C2CD3: variants seen among roughly 807,000 people sequenced by gnomAD.
C2CD3 encodes C2 domain-containing protein 3.
In C2CD3, 148 loss-of-function variants were observed where a neutral mutation model predicts 234.0. The ratio of observed to expected loss-of-function variants is 0.63; its 90% confidence interval spans 0.55 to 0.72. C2CD3 has a LOEUF of 0.72. Among genes scored for constraint, C2CD3 ranks in the 30% least tolerant of loss-of-function variants. The pLI is 0.00. For synonymous variants in C2CD3, 1,000 were observed against 1,035.4 expected (o/e 0.97, Z 0.66); for missense variants, 2,577 against 2,811.5 (o/e 0.92, Z 1.89).
chr11:74,087,730 G>C (rs1345011316), intron 20 of C2CD3, among the ~76,000 whole-genome samples: 2 of 152,178 alleles, frequency 1.3e-5, no homozygotes, highest in Non-Finnish European at 2.9e-5. Flanking sequence ...AAGCTGGTTT[G>C]AATTCACTCA....
intron 24 of C2CD3, among the ~76,000 whole-genome samples, chr11:74,066,517 C>G (rs1954550172): frequency 6.6e-6 from 1 of 151,862 alleles, no homozygotes; most frequent in South Asian, 2.1e-4. Context: ...TCTGACAAGC[C>G]TCTCTAGGTG....
chr11:74,023,716 T>C (rs1420634274), intron 32 of C2CD3, among the ~76,000 whole-genome samples: 3 of 152,106 alleles, frequency 2.0e-5, no homozygotes, highest in African/African-American at 4.8e-5. Context: ...TATGGGATCA[T>C]TGCATTAGCA....
intron 20 of C2CD3, among the ~76,000 whole-genome samples, chr11:74,086,610 C>G (rs972036969): frequency 2.2e-4 from 34 of 152,180 alleles, no homozygotes; most frequent in African/African-American, 8.0e-4. Context: ...AACACCAAAG[C>G]CTACCTATGA....
At chr11:74,165,657 T>C (rs1181834051) in intron 2 of C2CD3, among the ~76,000 whole-genome samples, 1 of 152,116 alleles carries the variant, frequency 6.6e-6, no homozygotes, top group African/African-American at 2.4e-5. Context: ...TTTCTGTCAT[T>C]TTCTTTCTTT....
At chr11:74,086,549 T>C (rs1955650363) in intron 20 of C2CD3, among the ~76,000 whole-genome samples, 1 of 152,234 alleles carries the variant, frequency 6.6e-6, no homozygotes, top group East Asian at 1.9e-4. Context: ...AGTCATACAG[T>C]GATCTTGTCT....
At chr11:74,025,830 T>C (rs12286971) in intron 32 of C2CD3, among the ~76,000 whole-genome samples, 6,163 of 152,200 alleles carry the variant, frequency 0.04, 410 homozygotes, top group African/African-American at 0.14. Flanking sequence ...GGAAAGTGTG[T>C]CTCGGGAAGG....
chr11:74,146,267 G>C (rs1855180372), intron 3 of C2CD3, among the ~76,000 whole-genome samples: 1 of 152,172 alleles, frequency 6.6e-6, no homozygotes, highest in South Asian at 2.1e-4. Flanking sequence ...GGGTGTAATA[G>C]CATGATTTGC....
At chr11:74,092,848 G>A (rs1238073655) in intron 18 of C2CD3, among the ~76,000 whole-genome samples, 1 of 152,136 alleles carries the variant, frequency 6.6e-6, no homozygotes, top group Admixed American at 6.5e-5. Flanking sequence ...CCTGTCGGGG[G>A]TGGCCACTCC....
intron 11 of C2CD3, among the ~76,000 whole-genome samples, chr11:74,109,674 G>A (rs1376336164): frequency 6.6e-6 from 1 of 152,160 alleles, no homozygotes; most frequent in Non-Finnish European, 1.5e-5. Context: ...TCTATCTCTT[G>A]GGTGGAAAGG....
At chr11:74,101,042 A>C (rs1956295463) in intron 14 of C2CD3, among the ~76,000 whole-genome samples, 1 of 152,238 alleles carries the variant, frequency 6.6e-6, no homozygotes, top group Non-Finnish European at 1.5e-5. Flanking sequence ...GATGTTTTTG[A>C]AACAAGTATG....
intron 32 of C2CD3, among the ~76,000 whole-genome samples, chr11:74,021,401 G>A (rs1405690265): frequency 6.6e-6 from 1 of 152,204 alleles, no homozygotes; most frequent in Non-Finnish European, 1.5e-5. Flanking sequence ...ACATCTATTA[G>A]ATATTCAAGT....
chr11:74,035,588 A>C (rs111247973), intron 30 of C2CD3, among the ~76,000 whole-genome samples: 10 of 152,046 alleles, frequency 6.6e-5, no homozygotes, highest in African/African-American at 2.4e-4. Flanking sequence ...GCTCTGGCTT[A>C]AAAAAAACCC....
chr11:74,109,497 G>T, intron 11 of C2CD3: 1 of 180,220 alleles, frequency 5.5e-6, no homozygotes, highest in Non-Finnish European at 1.2e-5. Context: ...TAGTTTGTAG[G>T]TAGTATACTA....
At position 74,113,537 on chromosome 11, in the gene C2CD3, G is replaced by A. The variant is rs1360089255; in HGVS notation, c.1843+243C>T. 4 of 447,854 alleles carry A rather than the reference G, an allele frequency of 8.9e-6. No homozygotes were observed. In the Admixed American group the frequency reaches 1.4e-4, roughly 16 times the overall value. The allele number at this position is 447,854 out of a possible 1,614,324, so 27.7% of individuals were successfully genotyped here. A position where few individuals can be genotyped will look rare whatever the true frequency, so the allele number is the denominator to read the frequency against. ...CTACTAAAAAATACAAAAATTAGCT[G>A]GGTGTGGTGGCATACGCCTGTAATC... On this transcript the variant is annotated intron_variant, in intron 11 of 32. Transcript: ENST00000334126.
intron 22 of C2CD3, among the ~76,000 whole-genome samples, chr11:74,079,407 T>G (rs949835390): frequency 6.6e-6 from 1 of 151,998 alleles, no homozygotes. Flanking sequence ...TGTTTTTTTT[T>G]GTAGAGATAG....
intron 24 of C2CD3, among the ~76,000 whole-genome samples, chr11:74,062,814 CA>C (rs537355674): frequency 1.7e-4 from 23 of 133,724 alleles, no homozygotes; most frequent in Non-Finnish European, 1.6e-4. Flanking sequence ...AAAAACCCTT[CA>C]AAAAAAAAAA....
At chr11:74,146,625 C>G (rs1375159239) in intron 3 of C2CD3, among the ~76,000 whole-genome samples, 2 of 151,452 alleles carry the variant, frequency 1.3e-5, no homozygotes, top group East Asian at 3.9e-4. Flanking sequence ...AGATCTAAAT[C>G]CAAGGTGGCA....
intron 31 of C2CD3, among the ~76,000 whole-genome samples, chr11:74,030,219 G>A (rs934510704): frequency 6.6e-6 from 1 of 151,918 alleles, no homozygotes; most frequent in Non-Finnish European, 1.5e-5. Flanking sequence ...TTTTTGTGCC[G>A]CAATTTCTCC....
chr11:74,147,439 A>G (rs1855291184), intron 3 of C2CD3, among the ~76,000 whole-genome samples: 1 of 152,174 alleles, frequency 6.6e-6, no homozygotes, highest in South Asian at 2.1e-4. Context: ...CAACGACCAC[A>G]ACAACGACAA....
Sources: gnomAD v4.1 joint callset for allele counts (sites outside exome capture counted in the v4.1 genomes callset) on GRCh38, gnomAD v4.1.1 for gene constraint, MANE v1.5 for transcripts, NCBI Gene and HGNC (gene_info 2026-07-23, HGNC 2026-07-21) for gene names.